AGAP1: variants seen among roughly 807,000 people sequenced by gnomAD.
AGAP1 encodes arf-GAP with GTPase, ANK repeat and PH domain-containing protein 1.
Under a neutral mutation model 105.3 loss-of-function variants are expected in AGAP1, and 29 were observed. The ratio of observed to expected loss-of-function variants is 0.28; its 90% CI spans 0.21 to 0.38. The LOEUF is 0.38. AGAP1 is among the 10% of genes least tolerant of loss of function. The pLI is 1.00. For synonymous variants in AGAP1, 509 were observed against 485.9 expected (o/e 1.05, Z -0.63); for missense variants, 998 against 1,165.1 (o/e 0.86, Z 2.09).
intron 1 of AGAP1, among the ~76,000 whole-genome samples, chr2:235,706,310 C>T (rs535028639): frequency 9.8e-5 from 15 of 152,310 alleles, no homozygotes; most frequent in South Asian, 6.2e-4. Flanking sequence ...CTGCAACCTC[C>T]GCCTCCTGGG....
chr2:235,924,072 A>G (rs2052325109), intron 11 of AGAP1, among the ~76,000 whole-genome samples: 1 of 152,100 alleles, frequency 6.6e-6, no homozygotes, highest in Non-Finnish European at 1.5e-5. Context: ...CAGCAAACAG[A>G]TGTGCCCCCC....
chr2:236,065,520 G>C (rs2058322984), intron 16 of AGAP1, among the ~76,000 whole-genome samples: 1 of 152,192 alleles, frequency 6.6e-6, no homozygotes, highest in South Asian at 2.1e-4. Flanking sequence ...GGCTCTCTCT[G>C]GAATAGGAAC....
At chr2:235,630,226 T>G (rs1946782599) in intron 1 of AGAP1, among the ~76,000 whole-genome samples, 1 of 152,200 alleles carries the variant, frequency 6.6e-6, no homozygotes, top group Admixed American at 6.5e-5. Flanking sequence ...CTGTACTTTT[T>G]TTTTTGAGAC....
At chr2:235,915,760 C>A (rs2051848018) in intron 11 of AGAP1, among the ~76,000 whole-genome samples, 1 of 152,154 alleles carries the variant, frequency 6.6e-6, no homozygotes, top group South Asian at 2.1e-4. Context: ...TAGATAAATA[C>A]TGTAAAGAAC....
intron 4 of AGAP1, among the ~76,000 whole-genome samples, chr2:235,742,590 A>G (rs938615847): frequency 1.3e-5 from 2 of 152,200 alleles, no homozygotes; most frequent in Non-Finnish European, 2.9e-5. Flanking sequence ...GAGGTCTGAT[A>G]GGATCCTATC....
At chr2:235,820,681 T>C (rs1307402371) in intron 9 of AGAP1, among the ~76,000 whole-genome samples, 2 of 152,190 alleles carry the variant, frequency 1.3e-5, no homozygotes, top group East Asian at 3.8e-4. Context: ...TAAAAATTAA[T>C]TTTATACAAA....
rs2058244528 is a variant in AGAP1, at chr2:236,062,983, G to A, written c.2114+13702G>A. Among the ~76,000 whole-genome samples the A allele has an allele frequency of 6.6e-6, 1 of 152,080 alleles. No individual in the cohort carries two copies. Among genetic ancestry groups the A allele is most frequent in the Non-Finnish European group, 1.5e-5 (1 of 68,018 alleles). On this transcript the variant is annotated intron_variant, in intron 16 of 17. Transcript: ENST00000304032. The surrounding 1 kb of genome is among the most constrained non-coding windows in gnomAD (Gnocchi z 4.2). ...CCATCAGCTATTTTTTTAAGAGATGGGGGTCTCACTATGTTGCCCAGGCAG... is the reference window on the plus strand; with the variant it reads ...CCATCAGCTATTTTTTTAAGAGATGAGGGTCTCACTATGTTGCCCAGGCAG...
At chr2:235,671,271 G>A (rs1371420463) in intron 1 of AGAP1, among the ~76,000 whole-genome samples, 2 of 152,152 alleles carry the variant, frequency 1.3e-5, no homozygotes, top group Admixed American at 6.5e-5. Context: ...GGTGCCCCTC[G>A]GAGTCCACCA....
At chr2:235,688,207 TG>T (rs1949562831) in intron 1 of AGAP1, among the ~76,000 whole-genome samples, 1 of 152,166 alleles carries the variant, frequency 6.6e-6, no homozygotes, top group African/African-American at 2.4e-5. Context: ...CGCCCAGCCT[TG>T]CCCTCGGATC....
chr2:235,590,773 T>A (rs1241558277), intron 1 of AGAP1, among the ~76,000 whole-genome samples: 1 of 129,536 alleles, frequency 7.7e-6, no homozygotes, highest in African/African-American at 3.1e-5. Context: ...CAGGCTGGAG[T>A]GCAGTGGTGT....
In AGAP1 at chr2:235,842,697, T is replaced by C. The variant is rs1961003558; in HGVS notation, c.1050+35366T>C. ...CCCTATGAATTCTATAAACTGAAGT[T>C]TTCATCCCATGTGTCAGGTTTGTTT... On this transcript the variant is annotated intron_variant, in intron 9 of 17. Coordinates refer to ENST00000304032, the MANE Select transcript of AGAP1 (RefSeq NM_001037131.3). This position sits in a 1 kb window ranked among gnomAD's most constrained non-coding sequence, Gnocchi z 5.3. 6.6e-6 allele frequency among the ~76,000 whole-genome samples: 1 copy of C among 152,148 alleles called. No homozygotes were observed. The highest frequency in any genetic ancestry group is 2.1e-4 in the South Asian group (1 of 4,818).
intron 8 of AGAP1, among the ~76,000 whole-genome samples, chr2:235,806,353 C>T (rs1006269295): frequency 2.0e-5 from 3 of 152,164 alleles, no homozygotes; most frequent in Non-Finnish European, 4.4e-5. Context: ...GACGAGTCTC[C>T]AATCTTTCTC....
rs985762561 is a variant in AGAP1, at chr2:235,550,279, C to T, written c.163+55430C>T. Among the ~76,000 whole-genome samples the T allele has an allele frequency of 6.6e-5, 10 of 152,192 alleles. No individual in the cohort carries two copies. The highest frequency in any genetic ancestry group is 1.3e-4 in the Non-Finnish European group (9 of 68,028). On this transcript the variant is annotated intron_variant, in intron 1 of 17. Coordinates refer to ENST00000304032, the MANE Select transcript of AGAP1 (RefSeq NM_001037131.3). This position sits in a 1 kb window ranked among gnomAD's most constrained non-coding sequence, Gnocchi z 4.6. ...CCTGACTGGCGAGGAGGGCACGTCC[C>T]CACGTTCATGCCCTGTACTAGGGTC... is the stretch of plus-strand genomic sequence containing the variant.
intron 13 of AGAP1, among the ~76,000 whole-genome samples, chr2:236,011,860 G>A (rs191218636): frequency 6.6e-6 from 1 of 152,054 alleles, no homozygotes; most frequent in Non-Finnish European, 1.5e-5. Context: ...CAGTGGCTGG[G>A]TGGCACCAAA....
chr2:235,922,370 G>A (rs912187779), intron 11 of AGAP1, among the ~76,000 whole-genome samples: 2 of 152,046 alleles, frequency 1.3e-5, no homozygotes, highest in African/African-American at 2.4e-5. Context: ...CTTTTTCCCC[G>A]CCCTCTTTCT....
At position 236,056,831 on chromosome 2, in the gene AGAP1, G is replaced by T. The variant is rs1001341315; in HGVS notation, c.2114+7550G>T. ...GCGCAGGTCAGACTGCAGGCACCAA[G>T]ATCTGACTCCAGATGCCGCTCTGCA... On this transcript the variant is annotated intron_variant, in intron 16 of 17. Transcript: ENST00000304032. The surrounding 1 kb of genome is among the most constrained non-coding windows in gnomAD (Gnocchi z 4.6). Among the ~76,000 whole-genome samples, 1 of 152,144 alleles carries T rather than the reference G, an allele frequency of 6.6e-6. No homozygotes were observed. Among genetic ancestry groups the T allele is most frequent in the Admixed American group, 6.6e-5 (1 of 15,264 alleles).
rs1424919493 is a variant in AGAP1, at chr2:235,888,765, G to A, written c.1155+5316G>A. On this transcript the variant is annotated intron_variant, in intron 10 of 17. Coordinates refer to ENST00000304032, the MANE Select transcript of AGAP1 (RefSeq NM_001037131.3). This position sits in a 1 kb window ranked among gnomAD's most constrained non-coding sequence, Gnocchi z 4.8. ...GCATTTGTTGCTGTCGGGTAGAGCG[G>A]CCACCCACTGCCCCAGCCTTCCCTG... is the stretch of plus-strand genomic sequence containing the variant. Among the ~76,000 whole-genome samples the A allele has an allele frequency of 6.6e-6, 1 of 151,928 alleles. No homozygotes were observed. Among genetic ancestry groups the A allele is most frequent in the Non-Finnish European group, 1.5e-5 (1 of 67,998 alleles).
rs560224999 is a variant in AGAP1 at position 236,000,019 on chromosome 2, G to A, written c.1645+31396G>A. Among the ~76,000 whole-genome samples, 11 of 152,030 alleles carry A rather than the reference G, an allele frequency of 7.2e-5. No individual in the cohort carries two copies. The highest frequency in any genetic ancestry group is 6.6e-5 in the Admixed American group (1 of 15,266). ...TTCTAATGACTGTCAGAAAGAATAC[G>A]TGAAGGCCAGCTTCTAGACCAGTGT... On this transcript the variant is annotated intron_variant, in intron 13 of 17. Coordinates refer to ENST00000304032, the MANE Select transcript of AGAP1 (RefSeq NM_001037131.3). The surrounding 1 kb of genome is among the most constrained non-coding windows in gnomAD (Gnocchi z 4.3).
rs148708387 is a variant in AGAP1, at chr2:235,601,418, G to A, written c.163+106569G>A. Among the ~76,000 whole-genome samples the A allele has an allele frequency of 2.2e-4, 34 of 152,280 alleles. No individual in the cohort carries two copies. In the East Asian group the frequency reaches 6.4e-3, roughly 29 times the overall value. The stretch of plus-strand genomic sequence containing the variant: ...TACCTGAGACTGGGTAATTTATAAA[G>A]GAAAGAAGTTTAACGGACTCACAGT... On this transcript the variant is annotated intron_variant, in intron 1 of 17. Coordinates refer to ENST00000304032, the MANE Select transcript of AGAP1 (RefSeq NM_001037131.3). The surrounding 1 kb of genome is among the most constrained non-coding windows in gnomAD (Gnocchi z 4.4).
Sources: gnomAD v4.1 joint callset for allele counts (sites outside exome capture counted in the v4.1 genomes callset) on GRCh38, gnomAD v4.1.1 for gene constraint, Gnocchi (gnomAD v3.1) non-coding constraint, MANE v1.5 for transcripts, NCBI Gene and HGNC (gene_info 2026-07-23, HGNC 2026-07-21) for gene names.